The following CSE1L variants were observed in gnomAD, a reference collection of about 807,000 sequenced individuals.
CSE1L encodes the protein chromosome segregation 1 like.
CSE1L carries 24 observed loss-of-function variants against 120.4 expected under a neutral mutation model. The ratio of observed to expected loss-of-function variants is 0.20; its 90% CI spans 0.14 to 0.28. CSE1L has a LOEUF of 0.28. Ranked by LOEUF, CSE1L falls within the 10% of genes least tolerant of loss-of-function variation. The pLI is 1.00. For missense variants in CSE1L, 830 were observed against 1,145.2 expected, an observed-to-expected ratio of 0.72 and a Z score of 3.97; for synonymous variants, 402 against 398.3, an observed-to-expected ratio of 1.01 and a Z score of -0.11.
intron 3 of CSE1L, among the ~76,000 whole-genome samples, chr20:49,065,586 A>ATT (rs1169151375): frequency 0.032 from 2,452 of 76,300 alleles, 317 homozygotes; most frequent in African/African-American, 0.056. Context: ...TAAAATGGAA[A>ATT]TTTTTTTTTT....
rs11471947 is a variant in CSE1L, at chr20:49,085,562, ATTT to A, written c.1723+201_1723+203del. 6.8e-3 allele frequency among the ~76,000 whole-genome samples: 541 copies of A among 80,082 alleles called. 3 individuals are homozygous for A. Among genetic ancestry groups the A allele is most frequent in the African/African-American group, 0.021 (485 of 22,820 alleles). The allele number at this position is 80,082 out of a possible 152,430, so 52.5% of individuals were successfully genotyped here. ...ATTATCTTGTTTACTACTAACAATA[ATTT>A]TTTTTTTTTTTTTTTTTTTTTTTTG... is the stretch of plus-strand genomic sequence containing the variant. On this transcript the variant is annotated intron_variant, in intron 16 of 24. Coordinates refer to ENST00000262982, the MANE Select transcript of CSE1L (RefSeq NM_001316.4).
intron 8 of CSE1L, 40 bp downstream of exon 8, chr20:49,070,337 C>G: frequency 1.0e-6 from 1 of 953,596 alleles, no homozygotes. Flanking sequence ...CTTTTTCTTT[C>G]ATTAAGAGTT....
At chr20:49,052,495 T>C (rs1600583733) in intron 1 of CSE1L, among the ~76,000 whole-genome samples, 2 of 152,182 alleles carry the variant, frequency 1.3e-5, no homozygotes, top group Non-Finnish European at 2.9e-5. Flanking sequence ...GGGAGAACTC[T>C]TGTGGCCAGT....
chr20:49,046,850 G>T (rs1390613167), intron 1 of CSE1L, among the ~76,000 whole-genome samples: 1 of 152,238 alleles, frequency 6.6e-6, no homozygotes, highest in Non-Finnish European at 1.5e-5. Context: ...AGCTGAGTGT[G>T]CGGCGGCGAG....
chr20:49,047,452 G>A (rs943752649), intron 1 of CSE1L, among the ~76,000 whole-genome samples: 1 of 151,678 alleles, frequency 6.6e-6, no homozygotes, highest in Non-Finnish European at 1.5e-5. Context: ...TGTTTGCTGG[G>A]GAAGTACCAA....
intron 6 of CSE1L, 103 bp downstream of exon 6, chr20:49,067,383 A>G: frequency 1.3e-6 from 1 of 741,566 alleles, no homozygotes; most frequent in South Asian, 2.2e-5. Context: ...TTGATAGATA[A>G]TGTTTAGAGC....
chr20:49,085,172 G>A (rs1311710466), intron 15 of CSE1L, 111 bp from the exon 16 acceptor site: 5 of 750,994 alleles, frequency 6.7e-6, no homozygotes, highest in Non-Finnish European at 1.2e-5. Context: ...GTCAGTGGTG[G>A]GAGATGGCTC....
intron 23 of CSE1L, 46 bp from the exon 24 acceptor site, chr20:49,094,686 C>T (rs371006393): frequency 2.4e-5 from 33 of 1,350,986 alleles, no homozygotes; most frequent in Middle Eastern, 3.9e-4. Context: ...TTAAGTCTTC[C>T]GAGTATTTTC....
intron 1 of CSE1L, among the ~76,000 whole-genome samples, chr20:49,055,972 T>G (rs1316416093): frequency 2.6e-5 from 4 of 152,180 alleles, no homozygotes; most frequent in Non-Finnish European, 4.4e-5. Context: ...TGTTTAGTTT[T>G]TTTCTTCTTT....
rs1452150924 is a variant in CSE1L, at chr20:49,077,074, G to A, written c.1420+10G>A. ...TTAAAATCAGCTAATGGTGAGTTGT[G>A]AAATTCTTGCTTTTTTTACAGCTTG... On this transcript the variant is annotated intron_variant, in intron 13 of 24. Coordinates refer to ENST00000262982, the MANE Select transcript of CSE1L (RefSeq NM_001316.4). The A allele has an allele frequency of 1.3e-6, 2 of 1,576,338 alleles. No homozygotes were observed. Among genetic ancestry groups the A allele is most frequent in the Non-Finnish European group, 1.7e-6 (2 of 1,157,852 alleles).
At chr20:49,074,729 G>T in intron 10 of CSE1L, 56 bp from the exon 11 acceptor site, 1 of 1,460,754 alleles carries the variant, frequency 6.8e-7, no homozygotes, top group Non-Finnish European at 9.4e-7. Flanking sequence ...ATTCTCAGCT[G>T]TAAAGTACAG....
At chr20:49,076,158 A>G (rs937724093) in intron 12 of CSE1L, among the ~76,000 whole-genome samples, 12 of 150,744 alleles carry the variant, frequency 8.0e-5, no homozygotes, top group African/African-American at 2.7e-4. Context: ...TATTTTATAC[A>G]TAAGCAGGTT....
intron 1 of CSE1L, among the ~76,000 whole-genome samples, chr20:49,051,948 G>A (rs1197689137): frequency 6.6e-6 from 1 of 152,102 alleles, no homozygotes; most frequent in Non-Finnish European, 1.5e-5. Flanking sequence ...CTTCCGCCTC[G>A]GCCTTCCAAA....
chr20:49,051,385 A>G (rs1568759771), intron 1 of CSE1L, among the ~76,000 whole-genome samples: 2 of 151,954 alleles, frequency 1.3e-5, no homozygotes, highest in Non-Finnish European at 2.9e-5. Context: ...TCTTTACTGT[A>G]TATAAAACTC....
At chr20:49,069,140 C>T (rs935291206) in intron 7 of CSE1L, among the ~76,000 whole-genome samples, 5 of 151,982 alleles carry the variant, frequency 3.3e-5, no homozygotes, top group African/African-American at 1.2e-4. Flanking sequence ...CTTCCTCTTT[C>T]GTTCATTTAT....
chr20:49,092,810 G>A lies in CSE1L; in HGVS notation c.2447+683G>A, dbSNP rs2092112081. The stretch of plus-strand genomic sequence containing the variant: ...GTGCACATGTACCCTAGAACTTAAA[G>A]TATAATTAAAAAAAAAAACCAGAAT... On this transcript the variant is annotated intron_variant, in intron 22 of 24. Coordinates refer to ENST00000262982, the MANE Select transcript of CSE1L (RefSeq NM_001316.4). Among the ~76,000 whole-genome samples, 4 of 151,392 alleles carry A rather than the reference G, an allele frequency of 2.6e-5. No individual in the cohort carries two copies. The South Asian group carries it at 6.2e-4, about 24-fold the overall frequency.
chr20:49,074,176 A>AGTGTGTGTGT (rs71184254), intron 10 of CSE1L, among the ~76,000 whole-genome samples: 1,321 of 115,416 alleles, frequency 0.011, 15 homozygotes, highest in Non-Finnish European at 0.016. Flanking sequence ...ATACAACTGC[A>AGTGTGTGTGT]GTGTGTGTGT....
chr20:49,068,760 C>T lies in CSE1L; in HGVS notation c.613C>T (p.Leu205=), dbSNP rs893473438. 1.5e-5 allele frequency: 25 copies of T among 1,613,904 alleles called. No homozygotes were observed. The highest frequency in any genetic ancestry group is 1.9e-5 in the Non-Finnish European group (23 of 1,179,920). ...CSTHANDASA[L]RILFSSLILI... is the part of the protein sequence containing the mutation. ...TACCCATGCAAATGATGCCTCTGCC[C>T]TGAGGATTCTGTTTTCTTCCCTGAT... Residue 205 remains leucine (L), a synonymous_variant, in exon 7 of 25, where the codon CTG becomes TTG. Coordinates refer to ENST00000262982, the MANE Select transcript of CSE1L (RefSeq NM_001316.4).
rs185750141 is a variant in CSE1L at position 49,058,384 on chromosome 20, G to A, written c.-11-69G>A. ...AGAGAGAATAACCCATAATATAAACGGATTTCTTTAAATGTAAATCACTTT... is the reference window on the plus strand; with the variant it reads ...AGAGAGAATAACCCATAATATAAACAGATTTCTTTAAATGTAAATCACTTT... On this transcript the variant is annotated intron_variant, in intron 1 of 24. Coordinates refer to ENST00000262982, the MANE Select transcript of CSE1L (RefSeq NM_001316.4). 7.1e-3 allele frequency: 8,128 copies of A among 1,140,736 alleles called. 54 individuals are homozygous for A. The highest frequency in any genetic ancestry group is 7.3e-3 in the Non-Finnish European group (5,703 of 777,060). The allele number at this position is 1,140,736 out of a possible 1,614,324, so 70.7% of individuals were successfully genotyped here.
Sources: allele counts gnomAD v4.1 joint callset (sites outside exome capture counted in the v4.1 genomes callset), GRCh38; gene constraint gnomAD v4.1.1; transcripts MANE v1.5; gene names NCBI Gene and HGNC (gene_info 2026-07-23, HGNC 2026-07-21).